The following NALCN variants were observed in gnomAD, a reference collection of about 807,000 sequenced individuals.
NALCN encodes the protein sodium leak channel, non-selective.
Under a neutral mutation model 225.3 loss-of-function variants are expected in NALCN, and 111 were observed. That is an observed-to-expected ratio of 0.49 (90% CI 0.42 to 0.58). NALCN has a LOEUF of 0.58. Ranked by LOEUF, NALCN falls within the 20% of genes least tolerant of loss-of-function variation. The pLI is 0.00. For missense variants in NALCN, 1,378 were observed against 2,202.4 expected (o/e 0.63, Z 7.49); for synonymous variants, 764 against 769.0 (o/e 0.99, Z 0.11).
chr13:101,203,169 C>A (rs1331823138), intron 13 of NALCN, among the ~76,000 whole-genome samples: 1 of 152,122 alleles, frequency 6.6e-6, no homozygotes, highest in Non-Finnish European at 1.5e-5. Flanking sequence ...AAAATATTGT[C>A]CCAAGGAAAA....
chr13:101,108,777 A>G (rs1037909820), intron 20 of NALCN, among the ~76,000 whole-genome samples: 1 of 152,224 alleles, frequency 6.6e-6, no homozygotes, highest in East Asian at 1.9e-4. Flanking sequence ...CCAGTAACTC[A>G]GTAGATTTTA....
At chr13:101,181,655 T>C (rs2039231614) in intron 14 of NALCN, among the ~76,000 whole-genome samples, 1 of 151,630 alleles carries the variant, frequency 6.6e-6, no homozygotes, top group African/African-American at 2.4e-5. Context: ...GGTGGGAGGA[T>C]TTCTTGAGCC....
At chr13:101,367,150 A>G (rs1236048209) in intron 6 of NALCN, among the ~76,000 whole-genome samples, 1 of 151,700 alleles carries the variant, frequency 6.6e-6, no homozygotes, top group Admixed American at 6.6e-5. Context: ...ATTTTAATAT[A>G]TAAAGTTGTA....
At chr13:101,361,999 T>C (rs2046264225) in intron 6 of NALCN, among the ~76,000 whole-genome samples, 2 of 151,960 alleles carry the variant, frequency 1.3e-5, no homozygotes, top group South Asian at 4.1e-4. Context: ...TATATTCTTA[T>C]ATTTACTTTA....
intron 18 of NALCN, among the ~76,000 whole-genome samples, chr13:101,114,232 A>G (rs1039652196): frequency 1.3e-5 from 2 of 152,172 alleles, no homozygotes; most frequent in African/African-American, 4.8e-5. Context: ...TCCATTTCCC[A>G]TATGTAAAAT....
At chr13:101,294,560 CTTTTTT>C (rs10615640) in intron 7 of NALCN, among the ~76,000 whole-genome samples, 5 of 87,866 alleles carry the variant, frequency 5.7e-5, no homozygotes, top group Admixed American at 1.2e-4. Context: ...TTTATTGTTT[CTTTTTT>C]TTTTTTTTTT....
intron 17 of NALCN, among the ~76,000 whole-genome samples, chr13:101,141,754 G>A (rs1023313525): frequency 1.3e-5 from 2 of 152,168 alleles, no homozygotes; most frequent in African/African-American, 4.8e-5. Flanking sequence ...GGAAGGGAAA[G>A]AAAGCGGAGA....
intron 13 of NALCN, among the ~76,000 whole-genome samples, chr13:101,220,484 T>A (rs1489194632): frequency 6.6e-6 from 1 of 152,234 alleles, no homozygotes; most frequent in African/African-American, 2.4e-5. Flanking sequence ...TAATATTTTT[T>A]AACATTTCCT....
chr13:101,250,191 T>C (rs548816453), intron 11 of NALCN, among the ~76,000 whole-genome samples: 3 of 152,192 alleles, frequency 2.0e-5, no homozygotes, highest in South Asian at 4.1e-4. Context: ...TAAAGCATTG[T>C]TGGAAAACAC....
intron 13 of NALCN, among the ~76,000 whole-genome samples, chr13:101,195,784 C>G (rs1240574148): frequency 3.3e-5 from 5 of 152,204 alleles, no homozygotes; most frequent in Admixed American, 3.3e-4. Flanking sequence ...TTCCATCAAA[C>G]TAGAAAGACT....
chr13:101,078,155 G>C (rs989337707), intron 34 of NALCN, among the ~76,000 whole-genome samples: 1 of 134,454 alleles, frequency 7.4e-6, no homozygotes, highest in Admixed American at 7.1e-5. Context: ...GAAGTTTGCT[G>C]TGGGGGTAGA....
At chr13:101,380,035 T>C (rs2046805722) in intron 3 of NALCN, among the ~76,000 whole-genome samples, 1 of 152,046 alleles carries the variant, frequency 6.6e-6, no homozygotes, top group Admixed American at 6.6e-5. Flanking sequence ...ATGCACCTGA[T>C]AGACATCTAC....
At chr13:101,140,514 C>G (rs562340925) in intron 17 of NALCN, among the ~76,000 whole-genome samples, 6 of 152,282 alleles carry the variant, frequency 3.9e-5, no homozygotes, top group Admixed American at 3.9e-4. Context: ...AGCTCTCTAT[C>G]CTCTTCCTGG....
chr13:101,136,985 G>T (rs2036832782), intron 17 of NALCN, among the ~76,000 whole-genome samples: 1 of 152,102 alleles, frequency 6.6e-6, no homozygotes, highest in African/African-American at 2.4e-5. Flanking sequence ...ACTTTTTAAT[G>T]ATCGCCATTC....
intron 11 of NALCN, among the ~76,000 whole-genome samples, chr13:101,248,778 G>T (rs1028651523): frequency 6.6e-6 from 1 of 152,156 alleles, no homozygotes; most frequent in Non-Finnish European, 1.5e-5. Context: ...GCTCTGATTT[G>T]CAACCTTTTT....
chr13:101,288,066 C>T (rs370789390), intron 9 of NALCN, among the ~76,000 whole-genome samples: 112 of 152,272 alleles, frequency 7.4e-4, no homozygotes, highest in African/African-American at 2.6e-3. Context: ...AGCTAATAGT[C>T]ACTATGACAG....
rs542530589 is a variant in NALCN, at chr13:101,104,810, A to G, written c.2636+84T>C. The G allele has an allele frequency of 6.4e-7, 1 of 1,566,520 alleles. No individual in the cohort carries two copies. Among genetic ancestry groups the G allele is most frequent in the East Asian group, 2.3e-5 (1 of 44,408 alleles). On this transcript the variant is annotated intron_variant, in intron 23 of 43. Transcript: ENST00000251127. This position sits in a 1 kb window ranked among gnomAD's most constrained non-coding sequence, Gnocchi z 4.2. ...TAGCACTATATAGCAAGAAAATAAA[A>G]GAGAATTTTAATCGTTGTATGCAGC...
At chr13:101,372,062 G>A (rs2046554977) in intron 6 of NALCN, among the ~76,000 whole-genome samples, 1 of 152,132 alleles carries the variant, frequency 6.6e-6, no homozygotes, top group Admixed American at 6.6e-5. Flanking sequence ...GAAACGTCAT[G>A]TTCTTGACCC....
At chr13:101,110,493 C>T in intron 20 of NALCN, 126 bp downstream of exon 20, 2 of 983,190 alleles carry the variant, frequency 2.0e-6, no homozygotes, top group Non-Finnish European at 3.1e-6. Context: ...TCCTGATTCC[C>T]TCTGGTATGA....
Sources: gnomAD v4.1 joint callset for allele counts (sites outside exome capture counted in the v4.1 genomes callset) on GRCh38, gnomAD v4.1.1 for gene constraint, Gnocchi (gnomAD v3.1) non-coding constraint, MANE v1.5 for transcripts, NCBI Gene and HGNC (gene_info 2026-07-23, HGNC 2026-07-21) for gene names.